Variants in PCDH15 observed in about 807,000 individuals in gnomAD.
PCDH15 encodes the protein protocadherin related 15.
A neutral mutation model predicts 178.5 loss-of-function variants in PCDH15; 129 were observed. The ratio of observed to expected loss-of-function variants is 0.72; its 90% CI spans 0.63 to 0.84. PCDH15 has a LOEUF of 0.84. Ranked by LOEUF, PCDH15 falls within the 40% of genes least tolerant of loss-of-function variation. The pLI is 0.00. For synonymous variants in PCDH15, 800 were observed against 732.0 expected, an observed-to-expected ratio of 1.09 and a Z score of -1.50; for missense variants, 2,230 against 2,099.9, an observed-to-expected ratio of 1.06 and a Z score of -1.21.
chr10:54,375,159 T>A (rs576366523), intron 4 of PCDH15, among the ~76,000 whole-genome samples: 1 of 152,214 alleles, frequency 6.6e-6, no homozygotes, highest in Admixed American at 6.6e-5. Flanking sequence ...AACCAGTGAG[T>A]ATTTAATTGT....
intron 14 of PCDH15, among the ~76,000 whole-genome samples, chr10:54,136,898 A>T (rs1342701328): frequency 6.6e-6 from 1 of 152,036 alleles, no homozygotes; most frequent in East Asian, 1.9e-4. Flanking sequence ...AATGTTAGTT[A>T]TTTGGAGGAG....
At chr10:55,053,482 C>G (rs1306441294) in intron 2 of PCDH15, among the ~76,000 whole-genome samples, 1 of 152,144 alleles carries the variant, frequency 6.6e-6, no homozygotes, top group Non-Finnish European at 1.5e-5. Flanking sequence ...ACATAAGGGA[C>G]AAAAGTGTCT....
chr10:54,548,390 TGAA>T (rs1209753653), intron 2 of PCDH15, among the ~76,000 whole-genome samples: 1 of 148,234 alleles, frequency 6.7e-6, no homozygotes, highest in Non-Finnish European at 1.5e-5. Flanking sequence ...TATTAAGTGT[TGAA>T]GAACCATTTT....
At chr10:55,527,640 C>T (rs966815275) in intron 2 of PCDH15, among the ~76,000 whole-genome samples, 1 of 151,626 alleles carries the variant, frequency 6.6e-6, no homozygotes, top group Non-Finnish European at 1.5e-5. Context: ...ATTTTGTTTT[C>T]TTTCTTATTA....
chr10:54,894,153 C>A (rs1022282178), intron 3 of PCDH15, among the ~76,000 whole-genome samples: 14 of 152,050 alleles, frequency 9.2e-5, no homozygotes, highest in Non-Finnish European at 1.6e-4. Context: ...GCCCATCTCA[C>A]CAGAAACTTG....
At chr10:55,543,608 G>T (rs1048683508) in intron 2 of PCDH15, among the ~76,000 whole-genome samples, 1 of 150,980 alleles carries the variant, frequency 6.6e-6, no homozygotes, top group Non-Finnish European at 1.5e-5. Context: ...CTTATAAGGA[G>T]AAGAGCTAGA....
At position 54,616,512 on chromosome 10, in the gene PCDH15, G is replaced by C. The variant is rs578149652; in HGVS notation, c.91+47660C>G. ...TGTGGACTCCCCAACTGTAATCACA[G>C]GATGTGCTTGTTAAAATGCAGATTC... is the stretch of plus-strand genomic sequence containing the variant. On this transcript the variant is annotated intron_variant, in intron 2 of 37. Coordinates refer to ENST00000644397, the MANE Select transcript of PCDH15 (RefSeq NM_001384140.1). Among the ~76,000 whole-genome samples, 271 of 152,140 alleles carry C rather than the reference G, an allele frequency of 1.8e-3. 1 individual carries two copies. The highest frequency in any genetic ancestry group is 5.8e-3 in the African/African-American group (240 of 41,528).
At chr10:54,974,820 T>C (rs1839027341) in intron 2 of PCDH15, among the ~76,000 whole-genome samples, 1 of 152,180 alleles carries the variant, frequency 6.6e-6, no homozygotes, top group Non-Finnish European at 1.5e-5. Context: ...TTAATGCATA[T>C]AGAAAGTAGA....
At chr10:54,958,759 G>A (rs1838560656) in intron 2 of PCDH15, among the ~76,000 whole-genome samples, 2 of 150,858 alleles carry the variant, frequency 1.3e-5, no homozygotes, top group Non-Finnish European at 1.5e-5. Context: ...ACAGAGAAAA[G>A]GATAGTCAAA....
intron 1 of PCDH15, among the ~76,000 whole-genome samples, chr10:54,711,603 T>G (rs910796025): frequency 1.3e-5 from 2 of 151,912 alleles, no homozygotes; most frequent in Non-Finnish European, 2.9e-5. Context: ...TTCCAACATT[T>G]TATTAAAAAT....
At chr10:54,535,439 G>C (rs905498251) in intron 2 of PCDH15, among the ~76,000 whole-genome samples, 1 of 152,066 alleles carries the variant, frequency 6.6e-6, no homozygotes, top group Non-Finnish European at 1.5e-5. Context: ...GGCCGGATGC[G>C]GTGGCTCACG....
intron 3 of PCDH15, among the ~76,000 whole-genome samples, chr10:54,882,754 A>G (rs1158375992): frequency 6.6e-6 from 1 of 152,086 alleles, no homozygotes; most frequent in Non-Finnish European, 1.5e-5. Flanking sequence ...ACCATTCAAA[A>G]TAGACATGTC....
At chr10:54,075,302 G>A (rs375375406) in intron 17 of PCDH15, among the ~76,000 whole-genome samples, 96 of 152,108 alleles carry the variant, frequency 6.3e-4, no homozygotes, top group Admixed American at 2.4e-3. Flanking sequence ...GCCTGAACCC[G>A]GGAGGCGGAG....
At chr10:55,497,260 G>C (rs192151028) in intron 2 of PCDH15, among the ~76,000 whole-genome samples, 2 of 151,564 alleles carry the variant, frequency 1.3e-5, no homozygotes, top group Non-Finnish European at 2.9e-5. Flanking sequence ...CTCCTGAGTA[G>C]CTAGGACTAC....
At position 55,399,199 on chromosome 10, in the gene PCDH15, G is replaced by T. The variant is rs147001003; in HGVS notation, c.-156+228426C>A. Reference sequence around the variant, plus strand: ...AAATGTTAAATATGCTTTATTAACAGATTTATGTCTTTACTTAATAGTAAA... The same window carrying T: ...AAATGTTAAATATGCTTTATTAACATATTTATGTCTTTACTTAATAGTAAA... On this transcript the variant is annotated intron_variant, in intron 2 of 5. Transcript: ENST00000613346. Among the ~76,000 whole-genome samples the T allele has an allele frequency of 1.8e-4, 27 of 152,226 alleles. No homozygotes were observed. The East Asian group carries it at 5.2e-3, about 29-fold the overall frequency.
chr10:53,876,456 G>T (rs1055395917), intron 26 of PCDH15, among the ~76,000 whole-genome samples: 2 of 152,048 alleles, frequency 1.3e-5, no homozygotes, highest in Non-Finnish European at 2.9e-5. Context: ...AAAGTGCTGG[G>T]ATTACAGGCA....
At chr10:53,916,163 T>C (rs553760830) in intron 25 of PCDH15, among the ~76,000 whole-genome samples, 5 of 152,344 alleles carry the variant, frequency 3.3e-5, no homozygotes, top group African/African-American at 1.2e-4. Flanking sequence ...TCTGTGCATG[T>C]TCATTGTAGA....
At chr10:54,244,806 C>G (rs1255289540) in intron 8 of PCDH15, among the ~76,000 whole-genome samples, 6 of 152,182 alleles carry the variant, frequency 3.9e-5, no homozygotes, top group African/African-American at 1.2e-4. Context: ...TTTTGACAAG[C>G]ATGACCCACT....
At chr10:54,127,941 T>G (rs2042117542) in intron 15 of PCDH15, among the ~76,000 whole-genome samples, 1 of 152,228 alleles carries the variant, frequency 6.6e-6, no homozygotes. Context: ...TTTTCTTCAT[T>G]ATTTTAAAAC....
Sources: gnomAD v4.1 joint callset for allele counts (sites outside exome capture counted in the v4.1 genomes callset) on GRCh38, gnomAD v4.1.1 for gene constraint, MANE v1.5 for transcripts, NCBI Gene and HGNC (gene_info 2026-07-23, HGNC 2026-07-21) for gene names.